The following INPP4A variants were observed in gnomAD, a reference collection of about 807,000 sequenced individuals.
INPP4A encodes inositol polyphosphate-4-phosphatase type I A, also known as inositol polyphosphate-4-phosphatase, type I, 107kD.
INPP4A carries 33 observed loss-of-function variants against 119.8 expected under a neutral mutation model. The ratio of observed to expected loss-of-function variants is 0.28; its 90% CI spans 0.21 to 0.37. The LOEUF (loss-of-function observed/expected upper bound fraction) is 0.37. INPP4A is among the 10% of genes least tolerant of loss of function. The pLI, the probability that INPP4A is intolerant of heterozygous loss-of-function variation, is 1.00. For synonymous variants in INPP4A, 496 were observed against 500.7 expected, an observed-to-expected ratio of 0.99 and a Z score of 0.12; for missense variants, 956 against 1,289.9, an observed-to-expected ratio of 0.74 and a Z score of 3.97.
chr2:98,552,343 A>G (rs901631862), intron 13 of INPP4A, among the ~76,000 whole-genome samples: 7 of 152,190 alleles, frequency 4.6e-5, no homozygotes, highest in African/African-American at 1.7e-4. Context: ...GTTTGGGGAC[A>G]AAGTCTAACA....
At chr2:98,449,408 A>G (rs1694847173) in intron 1 of INPP4A, among the ~76,000 whole-genome samples, 2 of 152,198 alleles carry the variant, frequency 1.3e-5, no homozygotes, top group Non-Finnish European at 2.9e-5. Flanking sequence ...ATTATAGTCC[A>G]TTACTCCCAT....
rs1402140708 is a variant in INPP4A at position 98,569,180 on chromosome 2, C to CT, written c.2518+513dup. 6.3e-6 allele frequency: 1 copy of CT among 157,694 alleles called. No homozygotes were observed. Among genetic ancestry groups the CT allele is most frequent in the African/African-American group, 2.4e-5 (1 of 41,592 alleles). The allele number at this position is 157,694 out of a possible 1,614,324, so 9.8% of individuals were successfully genotyped here. Reference sequence around the variant, plus strand: ...CAGTGAAGATGCTGCAGCTAGGGCTCTGCAGCCACAGAACTAAGGGAGGAA... The same window carrying CT: ...CAGTGAAGATGCTGCAGCTAGGGCTCTTGCAGCCACAGAACTAAGGGAGGAA... On this transcript the variant is annotated intron_variant, in intron 22 of 24. Coordinates refer to ENST00000409851, the MANE Select transcript of INPP4A (RefSeq NM_001134225.2). This position sits in a 1 kb window ranked among gnomAD's most constrained non-coding sequence, Gnocchi z 5.1.
intron 10 of INPP4A, 111 bp downstream of exon 10, chr2:98,539,786 C>T (rs1054411813): frequency 1.1e-5 from 12 of 1,057,356 alleles, no homozygotes; most frequent in Non-Finnish European, 1.6e-5. Flanking sequence ...ACTGCAAACA[C>T]AGCCTCTCCC....
chr2:98,490,227 A>T (rs78442054), intron 1 of INPP4A, among the ~76,000 whole-genome samples: 7,771 of 152,116 alleles, frequency 0.051, 271 homozygotes, highest in Middle Eastern at 0.092. Context: ...GACCGGGGGC[A>T]GAGCAGGCTG....
At chr2:98,487,170 A>G (rs897244052) in intron 1 of INPP4A, among the ~76,000 whole-genome samples, 2 of 152,192 alleles carry the variant, frequency 1.3e-5, no homozygotes, top group East Asian at 3.8e-4. Flanking sequence ...GTAGTGTGTT[A>G]ATTGTAACCA....
In INPP4A at chr2:98,538,197, G is replaced by C. The variant is rs541417316; in HGVS notation, c.579+223G>C. 2.0e-5 allele frequency among the ~76,000 whole-genome samples: 3 copies of C among 152,316 alleles called. No individual in the cohort carries two copies. In the South Asian group the frequency reaches 6.2e-4, roughly 32 times the overall value. The stretch of plus-strand genomic sequence containing the variant: ...TGCCCTGGAGCCGGCTTCTGTTCTG[G>C]GTGCCACACTGGCCAATTCTAGAGG... On this transcript the variant is annotated intron_variant, in intron 8 of 24. Coordinates refer to ENST00000409851, the MANE Select transcript of INPP4A (RefSeq NM_001134225.2).
chr2:98,509,399 G>A (rs535368876), intron 1 of INPP4A, among the ~76,000 whole-genome samples: 9 of 152,312 alleles, frequency 5.9e-5, no homozygotes, highest in African/African-American at 2.2e-4. Context: ...TGGGTTGCGT[G>A]CTCCTTATGA....
chr2:98,467,730 T>C (rs1425522853), intron 1 of INPP4A, among the ~76,000 whole-genome samples: 1 of 152,238 alleles, frequency 6.6e-6, no homozygotes, highest in Non-Finnish European at 1.5e-5. Flanking sequence ...CACACTTGAT[T>C]TTCTTGCACC....
chr2:98,463,726 A>C (rs1674110029), intron 1 of INPP4A, among the ~76,000 whole-genome samples: 1 of 152,228 alleles, frequency 6.6e-6, no homozygotes, highest in Non-Finnish European at 1.5e-5. Flanking sequence ...TGTGCCTGCG[A>C]GACTGCTTAC....
intron 1 of INPP4A, among the ~76,000 whole-genome samples, chr2:98,472,554 A>G (rs1676269017): frequency 6.6e-6 from 1 of 152,222 alleles, no homozygotes; most frequent in Middle Eastern, 3.2e-3. Flanking sequence ...TCTGTCATGC[A>G]GCTGTTCTTC....
At chr2:98,485,719 C>CT in intron 1 of INPP4A, among the ~76,000 whole-genome samples, 1 of 152,072 alleles carries the variant, frequency 6.6e-6, no homozygotes, top group Middle Eastern at 3.2e-3. Context: ...TGTGTGGGAA[C>CT]TTTTTTGATT....
intron 22 of INPP4A, among the ~76,000 whole-genome samples, chr2:98,571,647 C>T (rs933330792): frequency 5.3e-5 from 8 of 152,222 alleles, no homozygotes; most frequent in Admixed American, 5.2e-4. Context: ...CAGATGTGAG[C>T]CAGGTACCCC....
rs575934815 is a variant in INPP4A, at chr2:98,590,551, G to A, written c.*2943G>A. Reference sequence around the variant, plus strand: ...TACGTGTTCATAAATGGTAGCCATTGTTGTTACCTTCCCGTCTGTGAACAT... The same window carrying A: ...TACGTGTTCATAAATGGTAGCCATTATTGTTACCTTCCCGTCTGTGAACAT... On this transcript the variant is annotated 3_prime_UTR_variant, in exon 25 of 25. Transcript: ENST00000409851. 5.1e-6 allele frequency: 1 copy of A among 196,280 alleles called. No homozygotes were observed. The highest frequency in any genetic ancestry group is 1.1e-5 in the Non-Finnish European group (1 of 94,648). The allele number at this position is 196,280 out of a possible 1,614,324, so 12.2% of individuals were successfully genotyped here.
rs558092076 is a variant in INPP4A at position 98,579,834 on chromosome 2, A to T, written c.2786+2691A>T. ...GTTTTCTGAAATCTCTACAGTGAAC[A>T]TGTATCACTTTAATAGTTTTTAAAG... On this transcript the variant is annotated intron_variant, in intron 24 of 24. Transcript: ENST00000409851. Among the ~76,000 whole-genome samples the T allele has an allele frequency of 5.3e-5, 8 of 152,362 alleles. No individual in the cohort carries two copies. The South Asian group carries it at 1.7e-3, about 32-fold the overall frequency.
intron 17 of INPP4A, 82 bp downstream of exon 17, chr2:98,559,577 A>G: frequency 7.0e-7 from 1 of 1,421,810 alleles, no homozygotes. Context: ...ATTACAAAAG[A>G]TTGCCTTATG....
chr2:98,569,325 C>T lies in INPP4A; in HGVS notation c.2518+657C>T, dbSNP rs1422621142. 1 of 152,276 alleles carries T rather than the reference C, an allele frequency of 6.6e-6. No homozygotes were observed. The highest frequency in any genetic ancestry group is 1.9e-4 in the East Asian group (1 of 5,182). 9.4% of individuals were successfully genotyped at this position (152,276 alleles called of 1,614,324 possible). On this transcript the variant is annotated intron_variant, in intron 22 of 24. Transcript: ENST00000409851. This position sits in a 1 kb window ranked among gnomAD's most constrained non-coding sequence, Gnocchi z 5.1. ...ATCCGATGGCGAATGAGGGGTGGAC[C>T]CTACCTTGGAGGGAAAGCTGGTCCC...
At chr2:98,469,127 A>G (rs1341689420) in intron 1 of INPP4A, among the ~76,000 whole-genome samples, 1 of 152,186 alleles carries the variant, frequency 6.6e-6, no homozygotes, top group Non-Finnish European at 1.5e-5. Flanking sequence ...TGGGGCCAGC[A>G]TGACATTTGC....
intron 1 of INPP4A, among the ~76,000 whole-genome samples, chr2:98,507,226 T>C (rs1266511482): frequency 6.6e-6 from 1 of 152,238 alleles, no homozygotes; most frequent in Non-Finnish European, 1.5e-5. Flanking sequence ...GCCCATCCCA[T>C]CCCTCACATT....
At chr2:98,583,226 T>TA (rs1699580247) in intron 24 of INPP4A, among the ~76,000 whole-genome samples, 1 of 152,228 alleles carries the variant, frequency 6.6e-6, no homozygotes, top group Non-Finnish European at 1.5e-5. Context: ...ATTTTTCATT[T>TA]AAAAAATGGT....
Sources: gnomAD v4.1 joint callset for allele counts (sites outside exome capture counted in the v4.1 genomes callset) on GRCh38, gnomAD v4.1.1 for gene constraint, Gnocchi (gnomAD v3.1) non-coding constraint, MANE v1.5 for transcripts, NCBI Gene and HGNC (gene_info 2026-07-23, HGNC 2026-07-21) for gene names.